SNX14: variants seen among roughly 807,000 people sequenced by gnomAD.
The protein encoded by SNX14 is sorting nexin-14.
A neutral mutation model predicts 133.8 loss-of-function variants in SNX14; 93 were observed. The observed-to-expected ratio is 0.70, with a 90% CI of 0.59 to 0.83. SNX14 has a LOEUF of 0.83. Among genes scored for constraint, SNX14 ranks in the 40% least tolerant of loss-of-function variants. The pLI is 0.00. For missense variants in SNX14, 945 were observed against 1,094.9 expected (o/e 0.86, Z 1.93); for synonymous variants, 368 against 365.6 (o/e 1.01, Z -0.07).
At position 85,526,256 on chromosome 6, in the gene SNX14, A is replaced by AT. The variant is rs1178177322; in HGVS notation, c.1996-20_1996-19insA. The AT allele has an allele frequency of 4.0e-6, 6 of 1,499,620 alleles. No individual in the cohort carries two copies. In the African/African-American group the frequency reaches 8.4e-5, roughly 21 times the overall value. 92.9% of individuals were successfully genotyped at this position (1,499,620 alleles called of 1,614,324 possible). On this transcript the variant is annotated intron_variant, in intron 20 of 28. Coordinates refer to ENST00000314673, the MANE Select transcript of SNX14 (RefSeq NM_153816.6). ...GAAGTTTCTTGAATGAACAAAAAAA[A>AT]CGGAAAACACAGTTTAGAAATCTAG...
At chr6:85,589,654 G>A (rs1221962200) in intron 1 of SNX14, 4 of 152,198 alleles carry the variant, frequency 2.6e-5, no homozygotes, top group East Asian at 1.9e-4. Context: ...AGATCCTTAT[G>A]CTGAAAGACC....
At chr6:85,564,514 G>A (rs1259254057) in intron 6 of SNX14, among the ~76,000 whole-genome samples, 1 of 152,092 alleles carries the variant, frequency 6.6e-6, no homozygotes, top group African/African-American at 2.4e-5. Flanking sequence ...GCATTTCTCT[G>A]ATGGCCAGAA....
At chr6:85,561,562 T>C (rs1244590959) in intron 6 of SNX14, among the ~76,000 whole-genome samples, 1 of 152,172 alleles carries the variant, frequency 6.6e-6, no homozygotes, top group African/African-American at 2.4e-5. Context: ...CCCTAGACTG[T>C]CTGTTAAACA....
chr6:85,544,122 CT>C (rs962571998), intron 12 of SNX14, among the ~76,000 whole-genome samples: 1 of 151,970 alleles, frequency 6.6e-6, no homozygotes. Context: ...AAAATGAAGA[CT>C]TTTTTTAGTC....
At chr6:85,527,076 T>TA (rs1210307198) in intron 20 of SNX14, among the ~76,000 whole-genome samples, 4 of 151,328 alleles carry the variant, frequency 2.6e-5, no homozygotes, top group African/African-American at 4.9e-5. Context: ...TCTCAAAAAA[T>TA]AAAAAAAATT....
At chr6:85,545,771 C>T (rs1785275044) in intron 12 of SNX14, among the ~76,000 whole-genome samples, 1 of 152,194 alleles carries the variant, frequency 6.6e-6, no homozygotes, top group South Asian at 2.1e-4. Context: ...GCAACCTCCA[C>T]CTCTCAAGTT....
At position 85,593,708 on chromosome 6, in the gene SNX14, C is replaced by A. The variant is rs1393496116; in HGVS notation, c.11G>T (p.Trp4Leu). 1.2e-6 allele frequency: 2 copies of A among 1,613,702 alleles called. No individual in the cohort carries two copies. The highest frequency in any genetic ancestry group is 1.7e-6 in the Non-Finnish European group (2 of 1,179,940). MVP[W>L]VRTMGQKLKQ... ...CAGCTTCTGCCCCATCGTCCGCACC[C>A]AGGGCACCATCTCCGTAACGGCGAG... Residue 4 changes from tryptophan to leucine, a missense_variant, in exon 1 of 29, where the codon TGG becomes TTG. Transcript: ENST00000314673.
chr6:85,587,863 A>G (rs947159753), intron 1 of SNX14, among the ~76,000 whole-genome samples: 1 of 152,244 alleles, frequency 6.6e-6, no homozygotes, highest in Non-Finnish European at 1.5e-5. Context: ...AATAGTAATT[A>G]GAATCCTGGT....
intron 1 of SNX14, among the ~76,000 whole-genome samples, chr6:85,578,422 T>C (rs931063166): frequency 6.6e-6 from 1 of 152,074 alleles, no homozygotes; most frequent in Admixed American, 6.6e-5. Flanking sequence ...TCTGACACAG[T>C]TGCCACAGAG....
chr6:85,518,068 A>C lies in SNX14; in HGVS notation c.2108-20T>G. ...TTTTCCCTGCAATTAAAAGTAAAAC[A>C]TTATTTTAGGAAGGCATAAAACTCT... On this transcript the variant is annotated intron_variant, in intron 21 of 28. Coordinates refer to ENST00000314673, the MANE Select transcript of SNX14 (RefSeq NM_153816.6). 1 of 1,586,886 alleles carries C rather than the reference A, an allele frequency of 6.3e-7. No individual in the cohort carries two copies. Among genetic ancestry groups the C allele is most frequent in the East Asian group, 2.2e-5 (1 of 44,556 alleles).
intron 1 of SNX14, chr6:85,581,929 A>C (rs954179477): frequency 2.6e-5 from 4 of 152,228 alleles, no homozygotes; most frequent in African/African-American, 9.6e-5. Flanking sequence ...AAGTTTATTC[A>C]AAGGGATAAT....
At chr6:85,507,154 T>G in intron 28 of SNX14, 79 bp downstream of exon 28, 1 of 1,262,770 alleles carries the variant, frequency 7.9e-7, no homozygotes, top group Non-Finnish European at 1.1e-6. Context: ...AGGGTTTTCT[T>G]ACATTTATGT....
intron 2 of SNX14, 85 bp from the exon 3 acceptor site, chr6:85,572,459 T>A: frequency 9.5e-7 from 1 of 1,048,516 alleles, no homozygotes; most frequent in Non-Finnish European, 1.4e-6. Context: ...CAGAAGTTTT[T>A]AAAATCAATG....
At position 85,519,472 on chromosome 6, in the gene SNX14, T is replaced by A. The variant is rs572781979; in HGVS notation, c.2108-1424A>T. ...AGCGAGATCCCATCTCTACAGATAT[T>A]TAAAAATTAGCCAGGTGTGCTGGTG... On this transcript the variant is annotated intron_variant, in intron 21 of 28. Coordinates refer to ENST00000314673, the MANE Select transcript of SNX14 (RefSeq NM_153816.6). 2.0e-5 allele frequency among the ~76,000 whole-genome samples: 3 copies of A among 152,284 alleles called. No individual in the cohort carries two copies. The South Asian group carries it at 6.2e-4, about 32-fold the overall frequency.
chr6:85,517,912 A>G (rs750927209), intron 22 of SNX14, 37 bp from the exon 23 acceptor site: 4 of 1,578,022 alleles, frequency 2.5e-6, no homozygotes, highest in Admixed American at 3.9e-5. Context: ...ATAAAAAATA[A>G]AGGTAATTTT....
At chr6:85,541,878 A>AT in intron 15 of SNX14, 107 bp downstream of exon 15, 1 of 748,904 alleles carries the variant, frequency 1.3e-6, no homozygotes, top group Admixed American at 3.2e-5. Flanking sequence ...GTGAACTCAT[A>AT]TAACAATGGA....
At chr6:85,529,258 GGGAAACAAGGAAATGAAGGAAGGAA>G (rs1248252388) in intron 19 of SNX14, among the ~76,000 whole-genome samples, 1 of 149,968 alleles carries the variant, frequency 6.7e-6, no homozygotes, top group Non-Finnish European at 1.5e-5. Flanking sequence ...AGCAACAAGA[GGGAAACAAGGAAATGAAGGAAGGAA>G]GGAAATAAGG....
At chr6:85,553,387 A>C (rs754483047) in intron 7 of SNX14, among the ~76,000 whole-genome samples, 19 of 152,234 alleles carry the variant, frequency 1.2e-4, no homozygotes, top group Non-Finnish European at 2.5e-4. Flanking sequence ...TAAAAGTCAG[A>C]AATCTCTGCA....
intron 23 of SNX14, among the ~76,000 whole-genome samples, chr6:85,517,319 T>A (rs1484565444): frequency 6.6e-6 from 1 of 152,240 alleles, no homozygotes; most frequent in Non-Finnish European, 1.5e-5. Flanking sequence ...AAGGAATGTA[T>A]CCTTATATTC....
Sources: gnomAD v4.1 joint callset for allele counts (sites outside exome capture counted in the v4.1 genomes callset) on GRCh38, gnomAD v4.1.1 for gene constraint, MANE v1.5 for transcripts, NCBI Gene and HGNC (gene_info 2026-07-23, HGNC 2026-07-21) for gene names.